The following PDE3A variants were observed in gnomAD, a reference collection of about 807,000 sequenced individuals.
The protein encoded by PDE3A is cGMP-inhibited 3',5'-cyclic phosphodiesterase 3A.
In PDE3A, 43 loss-of-function variants were observed where a neutral mutation model predicts 98.3. The observed-to-expected ratio is 0.44, with a 90% CI of 0.34 to 0.56. The LOEUF (loss-of-function observed/expected upper bound fraction) is 0.56. Ranked by LOEUF, PDE3A falls within the 20% of genes least tolerant of loss-of-function variation. The pLI is 0.01. For missense variants in PDE3A, 1,427 were observed against 1,440.7 expected (o/e 0.99, Z 0.15); for synonymous variants, 663 against 567.9 (o/e 1.17, Z -2.38).
At chr12:20,390,778 C>G (rs551133259) in intron 1 of PDE3A, among the ~76,000 whole-genome samples, 1 of 151,970 alleles carries the variant, frequency 6.6e-6, no homozygotes, top group East Asian at 1.9e-4. Flanking sequence ...GTTAGTTCAC[C>G]GTATTTTCCT....
At chr12:20,599,375 C>T (rs2121403074) in intron 2 of PDE3A, among the ~76,000 whole-genome samples, 1 of 152,270 alleles carries the variant, frequency 6.6e-6, no homozygotes, top group Middle Eastern at 3.4e-3. Context: ...AAGTACTCAA[C>T]CGGGCCTTTG....
chr12:20,602,242 A>C (rs368180443), intron 2 of PDE3A, among the ~76,000 whole-genome samples: 2 of 152,172 alleles, frequency 1.3e-5, no homozygotes, highest in African/African-American at 4.8e-5. Context: ...ATCTTTTCTA[A>C]TTAAGAGAAA....
At chr12:20,390,021 G>A (rs1766430989) in intron 1 of PDE3A, among the ~76,000 whole-genome samples, 1 of 151,966 alleles carries the variant, frequency 6.6e-6, no homozygotes, top group Admixed American at 6.6e-5. Flanking sequence ...AGGATATGAG[G>A]TAGGGAAGGA....
At chr12:20,655,952 T>C (rs1945034451) in intron 15 of PDE3A, among the ~76,000 whole-genome samples, 1 of 152,190 alleles carries the variant, frequency 6.6e-6, no homozygotes, top group Non-Finnish European at 1.5e-5. Flanking sequence ...GAGTGCATCA[T>C]GTGGCCAATC....
At chr12:20,619,937 A>G (rs1356711329) in intron 4 of PDE3A, among the ~76,000 whole-genome samples, 1 of 152,066 alleles carries the variant, frequency 6.6e-6, no homozygotes, top group Non-Finnish European at 1.5e-5. Context: ...CCATTGCCGA[A>G]TTTACTAGTA....
chr12:20,371,761 G>C (rs1197349360), intron 1 of PDE3A, among the ~76,000 whole-genome samples: 1 of 152,088 alleles, frequency 6.6e-6, no homozygotes, highest in Non-Finnish European at 1.5e-5. Flanking sequence ...GATAGTTTTG[G>C]TAAAAATTTG....
At chr12:20,653,499 A>C (rs1363291536) in intron 14 of PDE3A, among the ~76,000 whole-genome samples, 1 of 151,890 alleles carries the variant, frequency 6.6e-6, no homozygotes, top group Non-Finnish European at 1.5e-5. Flanking sequence ...AGTAGCTGGG[A>C]TTACAGGCAC....
At chr12:20,534,485 A>G (rs1306932393) in intron 1 of PDE3A, among the ~76,000 whole-genome samples, 1 of 152,186 alleles carries the variant, frequency 6.6e-6, no homozygotes, top group African/African-American at 2.4e-5. Flanking sequence ...CTCCCTTAAA[A>G]GGATGTATGC....
At chr12:20,507,710 T>C (rs1716277740) in intron 1 of PDE3A, among the ~76,000 whole-genome samples, 1 of 152,112 alleles carries the variant, frequency 6.6e-6, no homozygotes, top group African/African-American at 2.4e-5. Flanking sequence ...AAGGCATCTC[T>C]GACTCCCCTT....
At chr12:20,660,157 C>A (rs914605144) in intron 15 of PDE3A, among the ~76,000 whole-genome samples, 1 of 152,132 alleles carries the variant, frequency 6.6e-6, no homozygotes, top group Non-Finnish European at 1.5e-5. Flanking sequence ...TTATAAGAGG[C>A]TTTTCCCCCT....
rs1945853999 is a variant in PDE3A, at chr12:20,683,494, G to GT, written c.*3224dup. The GT allele has an allele frequency of 6.6e-6, 1 of 152,154 alleles. No homozygotes were observed. The highest frequency in any genetic ancestry group is 2.4e-5 in the African/African-American group (1 of 41,440). The allele number at this position is 152,154 out of a possible 1,614,324, so 9.4% of individuals were successfully genotyped here. ...ATGCCATGGTTCTCTGTTAAATAAA[G>GT]TAAGAGACCAGGTGTATTCTGAGTG... On this transcript the variant is annotated 3_prime_UTR_variant, in exon 16 of 16. Coordinates refer to ENST00000359062, the MANE Select transcript of PDE3A (RefSeq NM_000921.5).
rs192313556 is a variant in PDE3A at position 20,654,519 on chromosome 12, C to G, written c.3184+314C>G. Among the ~76,000 whole-genome samples, 7,328 of 101,822 alleles carry G rather than the reference C, an allele frequency of 0.072. 335 individuals carry two copies. The highest frequency in any genetic ancestry group is 0.17 in the African/African-American group (4,629 of 27,906). 66.8% of individuals were successfully genotyped at this position (101,822 alleles called of 152,430 possible). ...TTTGTTTGTTTTTTGTTTTTTGAGG[C>G]AGAGTCTTGCTCTGTCACCCAGGCT... On this transcript the variant is annotated intron_variant, in intron 15 of 15. Coordinates refer to ENST00000359062, the MANE Select transcript of PDE3A (RefSeq NM_000921.5).
intron 2 of PDE3A, among the ~76,000 whole-genome samples, chr12:20,589,693 C>G (rs371947671): frequency 6.6e-6 from 1 of 151,592 alleles, no homozygotes; most frequent in African/African-American, 2.4e-5. Flanking sequence ...ACGGTGAAAC[C>G]CCATCTCCAC....
intron 2 of PDE3A, among the ~76,000 whole-genome samples, chr12:20,564,533 G>A (rs914261935): frequency 6.6e-6 from 1 of 152,044 alleles, no homozygotes; most frequent in African/African-American, 2.4e-5. Flanking sequence ...GCTAGGTTAG[G>A]GGGGAATGTA....
At chr12:20,462,987 G>C (rs533405233) in intron 1 of PDE3A, among the ~76,000 whole-genome samples, 12 of 151,970 alleles carry the variant, frequency 7.9e-5, no homozygotes, top group Non-Finnish European at 1.6e-4. Flanking sequence ...GCCTAGGCTG[G>C]TCTCAAACTC....
At chr12:20,528,301 TTATGTACATGG>T (rs1485640897) in intron 1 of PDE3A, among the ~76,000 whole-genome samples, 1 of 152,220 alleles carries the variant, frequency 6.6e-6, no homozygotes, top group African/African-American at 2.4e-5. Flanking sequence ...GCTACTGACA[TTATGTACATGG>T]TTGTGTTTTG....
intron 15 of PDE3A, among the ~76,000 whole-genome samples, chr12:20,655,837 A>T (rs1945030370): frequency 6.6e-6 from 1 of 152,202 alleles, no homozygotes. Flanking sequence ...TAGGGCGGTC[A>T]GTTAGGAGAC....
At chr12:20,587,347 C>A (rs775527824) in intron 2 of PDE3A, among the ~76,000 whole-genome samples, 1 of 151,794 alleles carries the variant, frequency 6.6e-6, no homozygotes, top group Non-Finnish European at 1.5e-5. Context: ...CCAGCCTGGG[C>A]GACAGAGCAA....
At chr12:20,531,559 C>A (rs997325589) in intron 1 of PDE3A, among the ~76,000 whole-genome samples, 1 of 151,988 alleles carries the variant, frequency 6.6e-6, no homozygotes, top group African/African-American at 2.4e-5. Flanking sequence ...TGTGATAAGA[C>A]AGTAGTAGCC....
Sources: allele counts gnomAD v4.1 joint callset (sites outside exome capture counted in the v4.1 genomes callset), GRCh38; gene constraint gnomAD v4.1.1; transcripts MANE v1.5; gene names NCBI Gene and HGNC (gene_info 2026-07-23, HGNC 2026-07-21).